TRERF1: variants seen among roughly 807,000 people sequenced by gnomAD.
TRERF1 encodes the protein transcriptional regulating factor 1, also known as transcriptional-regulating factor 1.
Under a neutral mutation model 122.9 loss-of-function variants are expected in TRERF1, and 27 were observed. That is an observed-to-expected ratio of 0.22 (90% CI 0.16 to 0.30). The LOEUF (loss-of-function observed/expected upper bound fraction) is 0.30, where lower values mean the gene tolerates loss of function less well. TRERF1 is among the 10% of genes least tolerant of loss of function. TRERF1 has a pLI of 1.00. For synonymous variants in TRERF1, 636 were observed against 641.7 expected, an observed-to-expected ratio of 0.99 and a Z score of 0.13; for missense variants, 1,248 against 1,560.3, an observed-to-expected ratio of 0.80 and a Z score of 3.37.
chr6:42,293,315 G>A (rs1784586970), intron 4 of TRERF1, among the ~76,000 whole-genome samples: 1 of 152,216 alleles, frequency 6.6e-6, no homozygotes, highest in Non-Finnish European at 1.5e-5. Flanking sequence ...GAGGGAGGAA[G>A]AGAGAGTTCC....
At chr6:42,329,084 C>T (rs760044319) in intron 3 of TRERF1, among the ~76,000 whole-genome samples, 2 of 151,846 alleles carry the variant, frequency 1.3e-5, no homozygotes, top group South Asian at 2.1e-4. Flanking sequence ...GAGGACAAGA[C>T]AAGTTGGACT....
Position 42,317,346 on chromosome 6 carries a change from G to T in TRERF1, c.-370-16597C>A, listed in dbSNP as rs1438076870. On this transcript the variant is annotated intron_variant, in intron 3 of 17. Coordinates refer to ENST00000372922, the Ensembl canonical transcript of TRERF1. ...CTCAGCACTAATTTCCTCCTCAGTA[G>T]TTTTTGTTTGTTTGTTTGTTTGTTT... 2.0e-5 allele frequency among the ~76,000 whole-genome samples: 3 copies of T among 150,584 alleles called. No homozygotes were observed. The South Asian group carries it at 6.4e-4, about 32-fold the overall frequency.
intron 2 of TRERF1, among the ~76,000 whole-genome samples, chr6:42,431,175 T>C (rs1438357939): frequency 6.6e-6 from 1 of 152,120 alleles, no homozygotes; most frequent in Non-Finnish European, 1.5e-5. Flanking sequence ...CTAAAAAGCT[T>C]GTTTTTAGAC....
At chr6:42,384,392 C>T (rs978082013) in intron 2 of TRERF1, among the ~76,000 whole-genome samples, 1 of 152,132 alleles carries the variant, frequency 6.6e-6, no homozygotes, top group Non-Finnish European at 1.5e-5. Flanking sequence ...AAGCAAGCCA[C>T]AGAATAACAT....
At position 42,232,424 on chromosome 6, in the gene TRERF1, G is replaced by A. The variant is rs73436256; in HGVS notation, c.3278+257C>T. Reference sequence around the variant, plus strand: ...AACCAGAGTCCCACCTGCCATTCCTGGGAAAGAGTGAAGTTTTGTAACTTA... The same window carrying A: ...AACCAGAGTCCCACCTGCCATTCCTAGGAAAGAGTGAAGTTTTGTAACTTA... On this transcript the variant is annotated intron_variant, in intron 17 of 17. Transcript: ENST00000372922. This position sits in a 1 kb window ranked among gnomAD's most constrained non-coding sequence, Gnocchi z 4.5. Among the ~76,000 whole-genome samples the A allele has an allele frequency of 6.6e-6, 1 of 152,160 alleles. No homozygotes were observed. The highest frequency in any genetic ancestry group is 2.4e-5 in the African/African-American group (1 of 41,426).
At chr6:42,352,860 GATTTATAC>G (rs1769729304) in intron 3 of TRERF1, among the ~76,000 whole-genome samples, 2 of 152,054 alleles carry the variant, frequency 1.3e-5, no homozygotes, top group African/African-American at 4.8e-5. Flanking sequence ...CTCTTTATCA[GATTTATAC>G]ATTTAAAATA....
rs1554141742 is a variant in TRERF1 at position 42,277,930 on chromosome 6, G to GAAGA, written c.-258-8086_-258-8083dup. 2.7e-5 allele frequency among the ~76,000 whole-genome samples: 4 copies of GAAGA among 147,576 alleles called. No individual in the cohort carries two copies. The East Asian group carries it at 6.0e-4, about 22-fold the overall frequency. ...GGAAGAAGAAGAAGAAGAAGAAGAAGAAGAAGAAGAAGAAGAAGAAGAAGA... is the reference window on the plus strand; with the variant it reads ...GGAAGAAGAAGAAGAAGAAGAAGAAGAAGAAAGAAGAAGAAGAAGAAGAAGAAGA... On this transcript the variant is annotated intron_variant, in intron 4 of 17. Transcript: ENST00000372922.
Position 42,263,065 on chromosome 6 carries a change from T to C in TRERF1, c.1884+255A>G, listed in dbSNP as rs1778512184. On this transcript the variant is annotated intron_variant, in intron 8 of 17. Transcript: ENST00000372922. The surrounding 1 kb of genome is among the most constrained non-coding windows in gnomAD (Gnocchi z 5.6). The stretch of plus-strand genomic sequence containing the variant: ...CTTTCGGGTCTCTCAGAATCTAACC[T>C]AGGCCATTAGTTTGGCATTTAATGG... 6.6e-6 allele frequency among the ~76,000 whole-genome samples: 1 copy of C among 152,202 alleles called. No homozygotes were observed. The highest frequency in any genetic ancestry group is 2.4e-5 in the African/African-American group (1 of 41,438).
rs16895653 is a variant in TRERF1 at position 42,365,518 on chromosome 6, G to A, written c.-453-2439C>T. On this transcript the variant is annotated intron_variant, in intron 2 of 17. Transcript: ENST00000372922. ...CAGTCACAAAACCATGCCTCTTCCC[G>A]CATGAGAAGATTCATTATTCCTTGA... Among the ~76,000 whole-genome samples the A allele has an allele frequency of 0.018, 2,760 of 152,186 alleles. 168 individuals are homozygous for A. In the East Asian group the frequency reaches 0.23, roughly 13 times the overall value.
intron 4 of TRERF1, among the ~76,000 whole-genome samples, chr6:42,294,416 A>G (rs944822122): frequency 6.6e-6 from 1 of 151,958 alleles, no homozygotes; most frequent in African/African-American, 2.4e-5. Flanking sequence ...TCCCGGTCTC[A>G]TGATCCGCTC....
At chr6:42,277,021 T>C (rs1301429839) in intron 4 of TRERF1, among the ~76,000 whole-genome samples, 1 of 152,226 alleles carries the variant, frequency 6.6e-6, no homozygotes, top group Non-Finnish European at 1.5e-5. Flanking sequence ...CACTGCCATC[T>C]TTCCTCTGGG....
chr6:42,234,495 G>A (rs111820490), intron 16 of TRERF1, among the ~76,000 whole-genome samples: 13 of 152,022 alleles, frequency 8.6e-5, no homozygotes, highest in African/African-American at 2.4e-4. Flanking sequence ...GCACCACCAC[G>A]CCCAGGTAAG....
intron 16 of TRERF1, 119 bp downstream of exon 16, chr6:42,236,086 C>G: frequency 7.1e-7 from 1 of 1,418,198 alleles, no homozygotes. Flanking sequence ...CATGGAGCAC[C>G]CTCTGCCAAA....
intron 8 of TRERF1, among the ~76,000 whole-genome samples, chr6:42,262,311 T>C (rs1384067771): frequency 6.6e-6 from 1 of 152,002 alleles, no homozygotes; most frequent in Non-Finnish European, 1.5e-5. Context: ...CAGCCTACCC[T>C]TATGCCTCCT....
chr6:42,388,025 G>A (rs191558513), intron 2 of TRERF1, among the ~76,000 whole-genome samples: 9 of 152,030 alleles, frequency 5.9e-5, no homozygotes, highest in Admixed American at 1.3e-4. Flanking sequence ...CCAGGCTGGC[G>A]ATCTTCCCGC....
At chr6:42,251,779 A>G (rs1345823182) in intron 13 of TRERF1, among the ~76,000 whole-genome samples, 2 of 152,162 alleles carry the variant, frequency 1.3e-5, no homozygotes, top group Non-Finnish European at 2.9e-5. Context: ...GGTCTCCTCC[A>G]TCTCCACAAC....
intron 2 of TRERF1, among the ~76,000 whole-genome samples, chr6:42,441,544 G>A (rs1786517345): frequency 6.6e-6 from 1 of 152,166 alleles, no homozygotes; most frequent in African/African-American, 2.4e-5. Flanking sequence ...GCAAGGCAAG[G>A]GGGAAGAAAA....
intron 2 of TRERF1, among the ~76,000 whole-genome samples, chr6:42,373,119 C>T (rs1774080062): frequency 6.6e-6 from 1 of 152,206 alleles, no homozygotes; most frequent in Non-Finnish European, 1.5e-5. Flanking sequence ...GTTATTCTTG[C>T]TACAGTCAAA....
intron 2 of TRERF1, among the ~76,000 whole-genome samples, chr6:42,440,138 C>T (rs1786230920): frequency 6.6e-6 from 1 of 152,188 alleles, no homozygotes; most frequent in African/African-American, 2.4e-5. Flanking sequence ...AGAATAACAG[C>T]TCACTCCAGG....
Sources: allele counts gnomAD v4.1 joint callset (sites outside exome capture counted in the v4.1 genomes callset), GRCh38; gene constraint gnomAD v4.1.1; non-coding constraint Gnocchi (gnomAD v3.1); transcripts MANE v1.5; gene names NCBI Gene and HGNC (gene_info 2026-07-23, HGNC 2026-07-21).